The following NPAS2 variants were observed in gnomAD, a reference collection of about 807,000 sequenced individuals.
NPAS2 encodes the protein neuronal PAS domain-containing protein 2.
Under a neutral mutation model 107.5 loss-of-function variants are expected in NPAS2, and 23 were observed. That is an observed-to-expected ratio of 0.21 (90% confidence interval 0.15 to 0.30). The LOEUF (loss-of-function observed/expected upper bound fraction) is 0.30, where lower values mean the gene tolerates loss of function less well. Ranked by LOEUF, NPAS2 falls within the 10% of genes least tolerant of loss-of-function variation. The pLI is 1.00. For synonymous variants in NPAS2, 403 were observed against 417.5 expected (o/e 0.97, Z 0.42); for missense variants, 756 against 1,043.3 (o/e 0.72, Z 3.79).
At chr2:100,945,918 C>T (rs1041803392) in intron 5 of NPAS2, among the ~76,000 whole-genome samples, 17 of 152,112 alleles carry the variant, frequency 1.1e-4, no homozygotes, top group African/African-American at 3.4e-4. Flanking sequence ...GTGCTGGCCA[C>T]GCCATTCTTT....
At chr2:100,892,781 G>A (rs1359129532) in intron 1 of NPAS2, among the ~76,000 whole-genome samples, 8 of 152,224 alleles carry the variant, frequency 5.3e-5, no homozygotes, top group Admixed American at 1.3e-4. Context: ...ATGCAGTGGC[G>A]TGATCTCAGC....
At chr2:100,995,141 A>G (rs548759449) in intron 20 of NPAS2, 23 of 452,528 alleles carry the variant, frequency 5.1e-5, no homozygotes, top group Non-Finnish European at 8.9e-5. Context: ...CCATAGCCAC[A>G]GGCCTCAGTC....
At chr2:100,975,943 A>C (rs758269926) in intron 14 of NPAS2, among the ~76,000 whole-genome samples, 1 of 152,128 alleles carries the variant, frequency 6.6e-6, no homozygotes, top group African/African-American at 2.4e-5. Flanking sequence ...GTGTCAACAA[A>C]AATGTACCTC....
chr2:100,960,024 A>T (rs1015044436), intron 7 of NPAS2, among the ~76,000 whole-genome samples: 1 of 152,128 alleles, frequency 6.6e-6, no homozygotes, highest in Non-Finnish European at 1.5e-5. Flanking sequence ...CCTCATAGTC[A>T]TCTTTTTCTC....
At chr2:100,975,678 T>C in intron 14 of NPAS2, 111 bp downstream of exon 14, 2 of 755,956 alleles carry the variant, frequency 2.6e-6, no homozygotes, top group South Asian at 4.4e-5. Flanking sequence ...ACTTAGGGAT[T>C]GAGAGTGTAG....
intron 5 of NPAS2, among the ~76,000 whole-genome samples, chr2:100,942,282 C>A (rs1364285032): frequency 6.6e-6 from 1 of 152,144 alleles, no homozygotes; most frequent in Non-Finnish European, 1.5e-5. Context: ...GAAAGGAAAG[C>A]CAAAGCCCCT....
Position 100,968,508 on chromosome 2 carries a change from C to G in NPAS2, c.1055+80C>G, listed in dbSNP as rs1676363016. Reference sequence around the variant, plus strand: ...TGCAGGATGGCGTGGCCCCTGATGGCCAAGTCAGATCAGCAGTCACTCAGG... The same window carrying G: ...TGCAGGATGGCGTGGCCCCTGATGGGCAAGTCAGATCAGCAGTCACTCAGG... On this transcript the variant is annotated intron_variant, in intron 11 of 20. Coordinates refer to ENST00000335681, the MANE Select transcript of NPAS2 (RefSeq NM_002518.4). The surrounding 1 kb of genome is among the most constrained non-coding windows in gnomAD (Gnocchi z 5.3). The G allele has an allele frequency of 1.4e-6, 2 of 1,390,876 alleles. No individual in the cohort carries two copies. The highest frequency in any genetic ancestry group is 2.0e-6 in the Non-Finnish European group (2 of 1,003,024). 86.2% of individuals were successfully genotyped at this position (1,390,876 alleles called of 1,614,324 possible).
At chr2:100,934,312 A>AC (rs1409679167) in intron 4 of NPAS2, among the ~76,000 whole-genome samples, 2 of 133,438 alleles carry the variant, frequency 1.5e-5, no homozygotes, top group East Asian at 6.1e-4. Context: ...CTGTAGCACA[A>AC]CCTTTTTTTT....
At chr2:100,947,356 G>A (rs1221473310) in intron 5 of NPAS2, among the ~76,000 whole-genome samples, 1 of 152,232 alleles carries the variant, frequency 6.6e-6, no homozygotes, top group East Asian at 1.9e-4. Flanking sequence ...TTCAAGACCA[G>A]CCTGGCCAAC....
chr2:100,996,166 A>G lies in NPAS2; in HGVS notation c.*584A>G, dbSNP rs1678434625. On this transcript the variant is annotated 3_prime_UTR_variant, in exon 21 of 21. Coordinates refer to ENST00000335681, the MANE Select transcript of NPAS2 (RefSeq NM_002518.4). ...CATGGCTTCATTTAGAGACCACAGT[A>G]ACAACAGCAGCCCACCAATCAGAGA... 3 of 248,268 alleles carry G rather than the reference A, an allele frequency of 1.2e-5. No individual in the cohort carries two copies. In the Admixed American group the frequency reaches 1.5e-4, roughly 13 times the overall value. 15.4% of individuals were successfully genotyped at this position (248,268 alleles called of 1,614,324 possible).
chr2:100,834,985 G>A (rs1676967620), intron 1 of NPAS2, among the ~76,000 whole-genome samples: 1 of 152,208 alleles, frequency 6.6e-6, no homozygotes, highest in Non-Finnish European at 1.5e-5. Context: ...AAAGTGCTGG[G>A]ATTACAGGCG....
chr2:100,920,425 A>C (rs972078780), intron 2 of NPAS2, among the ~76,000 whole-genome samples: 7 of 152,180 alleles, frequency 4.6e-5, no homozygotes, highest in East Asian at 3.9e-4. Context: ...TACAGTTTTT[A>C]AGGGTACTGG....
At chr2:100,894,909 A>T (rs575845604) in intron 1 of NPAS2, among the ~76,000 whole-genome samples, 1 of 152,296 alleles carries the variant, frequency 6.6e-6, no homozygotes, top group Admixed American at 6.5e-5. Flanking sequence ...GGAGGAATGT[A>T]CTTGGTTATG....
At chr2:100,903,489 G>C (rs531663352) in intron 1 of NPAS2, among the ~76,000 whole-genome samples, 1 of 152,180 alleles carries the variant, frequency 6.6e-6, no homozygotes, top group African/African-American at 2.4e-5. Context: ...GTTTGTGTAC[G>C]TAGGTGACCA....
chr2:100,919,036 A>T (rs986422852), intron 2 of NPAS2, among the ~76,000 whole-genome samples: 1 of 152,242 alleles, frequency 6.6e-6, no homozygotes. Flanking sequence ...GAACACCCGT[A>T]CAGTAGAAAA....
chr2:100,909,159 C>T (rs951659120), intron 2 of NPAS2, among the ~76,000 whole-genome samples: 3 of 152,184 alleles, frequency 2.0e-5, no homozygotes, highest in African/African-American at 7.2e-5. Flanking sequence ...GAGACCATCC[C>T]ATCTGTATTT....
At chr2:100,910,399 T>C (rs1344855679) in intron 2 of NPAS2, among the ~76,000 whole-genome samples, 1 of 152,164 alleles carries the variant, frequency 6.6e-6, no homozygotes, top group East Asian at 1.9e-4. Flanking sequence ...TCAGCTGCTC[T>C]CAGTCACCCC....
chr2:100,910,376 A>C (rs1382514748), intron 2 of NPAS2, among the ~76,000 whole-genome samples: 1 of 152,018 alleles, frequency 6.6e-6, no homozygotes, highest in Admixed American at 6.6e-5. Flanking sequence ...GCTTCTCGGG[A>C]GAATAGACAG....
At chr2:100,961,990 T>C (rs929272041) in intron 7 of NPAS2, among the ~76,000 whole-genome samples, 1 of 152,168 alleles carries the variant, frequency 6.6e-6, no homozygotes, top group African/African-American at 2.4e-5. Context: ...ATTTCACATC[T>C]GGGAAGTTTT....
Sources: allele counts gnomAD v4.1 joint callset (sites outside exome capture counted in the v4.1 genomes callset), GRCh38; gene constraint gnomAD v4.1.1; non-coding constraint Gnocchi (gnomAD v3.1); transcripts MANE v1.5; gene names NCBI Gene and HGNC (gene_info 2026-07-23, HGNC 2026-07-21).